NXN: variants seen among roughly 807,000 people sequenced by gnomAD.
The protein encoded by NXN is nucleoredoxin 1.
In NXN, 16 loss-of-function variants were observed where a neutral mutation model predicts 48.6. The observed-to-expected ratio is 0.33, with a 90% CI of 0.22 to 0.50. The LOEUF is 0.50. NXN is among the 20% of genes least tolerant of loss of function. NXN has a pLI of 0.98. For synonymous variants in NXN, 281 were observed against 269.6 expected, an observed-to-expected ratio of 1.04 and a Z score of -0.41; for missense variants, 492 against 605.5, an observed-to-expected ratio of 0.81 and a Z score of 1.97.
Position 917,435 on chromosome 17 carries a change from C to T in NXN, c.360+61884G>A, listed in dbSNP as rs938101215. The stretch of plus-strand genomic sequence containing the variant: ...GGCCTCTGAAAGAACAGGCGGGAGC[C>T]GCCGCTCACATCTTTACTCATGAAC... On this transcript the variant is annotated intron_variant, in intron 1 of 7. Coordinates refer to ENST00000336868, the MANE Select transcript of NXN (RefSeq NM_022463.5). This position sits in a 1 kb window ranked among gnomAD's most constrained non-coding sequence, Gnocchi z 4.5. Among the ~76,000 whole-genome samples the T allele has an allele frequency of 6.6e-6, 1 of 152,230 alleles. No homozygotes were observed. Among genetic ancestry groups the T allele is most frequent in the East Asian group, 1.9e-4 (1 of 5,202 alleles).
chr17:829,759 A>C (rs896979198), intron 1 of NXN, among the ~76,000 whole-genome samples: 1 of 152,026 alleles, frequency 6.6e-6, no homozygotes, highest in African/African-American at 2.4e-5. Context: ...GCTGAGAATG[A>C]TGTCTTCCAG....
chr17:876,246 A>C (rs1014961062), intron 1 of NXN, among the ~76,000 whole-genome samples: 3 of 151,068 alleles, frequency 2.0e-5, no homozygotes, highest in Admixed American at 1.3e-4. Flanking sequence ...GGAGAAGAGA[A>C]GAGAAGAAAA....
At chr17:926,537 T>TTTTTTTGG in intron 1 of NXN, among the ~76,000 whole-genome samples, 1 of 99,426 alleles carries the variant, frequency 1.0e-5, no homozygotes, top group Admixed American at 1.2e-4. Flanking sequence ...GTTTTTTGTT[T>TTTTTTTGG]TTTTTTTGTT....
At chr17:823,603 T>G in intron 3 of NXN, 29 bp downstream of exon 3, 1 of 1,613,256 alleles carries the variant, frequency 6.2e-7, no homozygotes, top group East Asian at 2.2e-5. Flanking sequence ...CTTCCTTCTG[T>G]CTGAGCCAAA....
At chr17:851,811 T>A (rs1038169517) in intron 1 of NXN, among the ~76,000 whole-genome samples, 18 of 152,174 alleles carry the variant, frequency 1.2e-4, no homozygotes, top group Admixed American at 3.9e-4. Flanking sequence ...AGTGTCAAAA[T>A]GAAAAGAACA....
chr17:919,794 G>A lies in NXN; in HGVS notation c.360+59525C>T, dbSNP rs900344198. Among the ~76,000 whole-genome samples, 1 of 152,068 alleles carries A rather than the reference G, an allele frequency of 6.6e-6. No homozygotes were observed. The highest frequency in any genetic ancestry group is 2.4e-5 in the African/African-American group (1 of 41,396). On this transcript the variant is annotated intron_variant, in intron 1 of 7. Coordinates refer to ENST00000336868, the MANE Select transcript of NXN (RefSeq NM_022463.5). This position sits in a 1 kb window ranked among gnomAD's most constrained non-coding sequence, Gnocchi z 5.1. Reference sequence around the variant, plus strand: ...GGTCCGGCACAAAACACCAGGAAACGCTCTCCCTTCCATCATTCAATCTTG... The same window carrying A: ...GGTCCGGCACAAAACACCAGGAAACACTCTCCCTTCCATCATTCAATCTTG...
chr17:897,648 A>G (rs1410420125), intron 1 of NXN, among the ~76,000 whole-genome samples: 1 of 151,992 alleles, frequency 6.6e-6, no homozygotes, highest in African/African-American at 2.4e-5. Context: ...ACTCTGTGTT[A>G]AATGAATTCT....
chr17:926,535 T>TG (rs368103420), intron 1 of NXN, among the ~76,000 whole-genome samples: 4 of 12,122 alleles, frequency 3.3e-4, no homozygotes, highest in Middle Eastern at 0.056. Context: ...ATGTTTTTTG[T>TG]TTTTTTTTTG....
In NXN at chr17:860,841, C is replaced by T. The variant is rs550531319; in HGVS notation, c.361-34763G>A. 2.0e-5 allele frequency among the ~76,000 whole-genome samples: 3 copies of T among 152,370 alleles called. No individual in the cohort carries two copies. In the South Asian group the frequency reaches 6.2e-4, roughly 32 times the overall value. The stretch of plus-strand genomic sequence containing the variant: ...AACTCTAATAGTAACTATTACCTAT[C>T]TAGACAAAAAGGCAAATAATTTAAG... On this transcript the variant is annotated intron_variant, in intron 1 of 7. Transcript: ENST00000336868.
intron 3 of NXN, 36 bp from the exon 4 acceptor site, chr17:822,493 C>T (rs1912872729): frequency 6.7e-7 from 1 of 1,502,122 alleles, no homozygotes; most frequent in Admixed American, 1.7e-5. Flanking sequence ...CTGCGTCACG[C>T]TGCTTCTCCA....
At chr17:970,379 C>T (rs1388100393) in intron 1 of NXN, among the ~76,000 whole-genome samples, 2 of 151,002 alleles carry the variant, frequency 1.3e-5, no homozygotes, top group African/African-American at 2.4e-5. Flanking sequence ...GCAGGCTTTC[C>T]GTAGGATGAA....
intron 5 of NXN, among the ~76,000 whole-genome samples, chr17:810,122 T>A (rs1911869882): frequency 8.0e-6 from 1 of 125,154 alleles, no homozygotes; most frequent in Admixed American, 8.6e-5. Context: ...CGAGTCCGTG[T>A]GAGTGGCGTG....
At chr17:851,866 G>A (rs899629628) in intron 1 of NXN, among the ~76,000 whole-genome samples, 2 of 152,240 alleles carry the variant, frequency 1.3e-5, no homozygotes, top group African/African-American at 4.8e-5. Context: ...CGTTGCCTGC[G>A]GAAAGCGGAG....
Position 917,626 on chromosome 17 carries a change from C to T in NXN, c.360+61693G>A, listed in dbSNP as rs938211641. On this transcript the variant is annotated intron_variant, in intron 1 of 7. Transcript: ENST00000336868. This position sits in a 1 kb window ranked among gnomAD's most constrained non-coding sequence, Gnocchi z 4.5. ...TCGATTCCCAGCTCTCCCACAAGGA[C>T]GTGGCTCAGACGCACGTCACCATCT... Among the ~76,000 whole-genome samples the T allele has an allele frequency of 6.6e-5, 10 of 152,222 alleles. No individual in the cohort carries two copies. The highest frequency in any genetic ancestry group is 2.1e-4 in the South Asian group (1 of 4,836).
chr17:801,260 G>T lies in NXN; in HGVS notation c.1126-129C>A, dbSNP rs73975533. 3,802 of 604,400 alleles carry T rather than the reference G, an allele frequency of 6.3e-3. 108 individuals are homozygous for T. The highest frequency in any genetic ancestry group is 0.059 in the African/African-American group (3,104 of 52,174). 37.4% of individuals were successfully genotyped at this position (604,400 alleles called of 1,614,324 possible). ...AGAGCCGGCGTTTCCCAAGCAGAGG[G>T]CTCCCAGCCTGGGAAGGAGGGAACC... On this transcript the variant is annotated intron_variant, in intron 7 of 7. Transcript: ENST00000336868.
At chr17:859,866 CAG>C (rs1184082196) in intron 1 of NXN, among the ~76,000 whole-genome samples, 1 of 152,158 alleles carries the variant, frequency 6.6e-6, no homozygotes, top group Non-Finnish European at 1.5e-5. Flanking sequence ...AGCAAATTAA[CAG>C]AGGGAAGAGC....
chr17:937,905 C>T (rs1025082237), intron 1 of NXN, among the ~76,000 whole-genome samples: 2 of 152,260 alleles, frequency 1.3e-5, no homozygotes, highest in African/African-American at 2.4e-5. Context: ...GAGCAGCGCT[C>T]AGCAGCCACG....
At chr17:816,650 C>T (rs147523829) in intron 5 of NXN, among the ~76,000 whole-genome samples, 28 of 152,224 alleles carry the variant, frequency 1.8e-4, no homozygotes, top group Non-Finnish European at 2.5e-4. Flanking sequence ...GGTGAGTCTC[C>T]GCTCTAGACC....
At chr17:855,028 G>A (rs2144761182) in intron 1 of NXN, among the ~76,000 whole-genome samples, 1 of 152,108 alleles carries the variant, frequency 6.6e-6, no homozygotes, top group East Asian at 1.9e-4. Flanking sequence ...ATAACTACAA[G>A]CACTTTGGGA....
Sources: allele counts gnomAD v4.1 joint callset (sites outside exome capture counted in the v4.1 genomes callset), GRCh38; gene constraint gnomAD v4.1.1; non-coding constraint Gnocchi (gnomAD v3.1); transcripts MANE v1.5; gene names NCBI Gene and HGNC (gene_info 2026-07-23, HGNC 2026-07-21).